The following NDST4 variants were observed in gnomAD, a reference collection of about 807,000 sequenced individuals.
NDST4 encodes the protein N-deacetylase and N-sulfotransferase 4, also known as N-heparan sulfate sulfotransferase 4.
In NDST4, 63 loss-of-function variants were observed where a neutral mutation model predicts 100.8. The ratio of observed to expected loss-of-function variants is 0.62; its 90% CI spans 0.51 to 0.77. NDST4 has a LOEUF of 0.77. Ranked by LOEUF, NDST4 falls within the 30% of genes least tolerant of loss-of-function variation. The pLI is 0.00. For missense variants in NDST4, 943 were observed against 1,018.4 expected (o/e 0.93, Z 1.01); for synonymous variants, 377 against 361.8 (o/e 1.04, Z -0.48).
At chr4:114,854,734 C>T (rs1578345234) in intron 7 of NDST4, among the ~76,000 whole-genome samples, 1 of 152,274 alleles carries the variant, frequency 6.6e-6, no homozygotes, top group Middle Eastern at 3.4e-3. Context: ...TCCCAAAGTG[C>T]TGGGATTACA....
At chr4:115,029,500 G>A (rs893142402) in intron 2 of NDST4, among the ~76,000 whole-genome samples, 3 of 152,092 alleles carry the variant, frequency 2.0e-5, no homozygotes, top group Non-Finnish European at 2.9e-5. Context: ...TGATGAGACT[G>A]GGCCAGGTTC....
At chr4:115,059,590 A>G (rs1728775160) in intron 2 of NDST4, among the ~76,000 whole-genome samples, 2 of 152,004 alleles carry the variant, frequency 1.3e-5, no homozygotes, top group Admixed American at 1.3e-4. Context: ...TATTATTTTT[A>G]CTTTAAAAAA....
At chr4:114,837,188 G>A (rs1261253094) in intron 11 of NDST4, among the ~76,000 whole-genome samples, 4 of 152,096 alleles carry the variant, frequency 2.6e-5, no homozygotes, top group Non-Finnish European at 5.9e-5. Context: ...ATTTGGAGGA[G>A]AAGAGGCATT....
At chr4:115,066,526 G>A (rs539515456) in intron 2 of NDST4, among the ~76,000 whole-genome samples, 2 of 152,086 alleles carry the variant, frequency 1.3e-5, no homozygotes, top group East Asian at 3.9e-4. Context: ...GGTCACTGCT[G>A]ACTGCCAAAA....
intron 4 of NDST4, among the ~76,000 whole-genome samples, chr4:114,969,191 G>A (rs1213212474): frequency 6.6e-6 from 1 of 150,878 alleles, no homozygotes; most frequent in Non-Finnish European, 1.5e-5. Context: ...GCGGGCGCCT[G>A]TAGTCCCAGC....
chr4:114,964,710 T>C (rs1364789981), intron 4 of NDST4, among the ~76,000 whole-genome samples: 2 of 152,230 alleles, frequency 1.3e-5, no homozygotes, highest in African/African-American at 2.4e-5. Context: ...CTAGAACTTA[T>C]TCGTCTTGAC....
intron 2 of NDST4, among the ~76,000 whole-genome samples, chr4:115,026,559 A>G (rs1376214620): frequency 6.6e-6 from 1 of 152,100 alleles, no homozygotes; most frequent in Non-Finnish European, 1.5e-5. Context: ...GAAAAAAGCA[A>G]TAATATTGAC....
chr4:114,933,432 C>CTTTTTTTTTTTTTTTTTTCCTTTTTTT (rs1553955185), intron 6 of NDST4, among the ~76,000 whole-genome samples: 3 of 89,246 alleles, frequency 3.4e-5, no homozygotes, highest in Admixed American at 1.3e-4. Flanking sequence ...TTTTCTTTTC[C>CTTTTTTTTTTTTTTTTTTCCTTTTTTT]TTTTTTTTTT....
chr4:115,105,652 A>G (rs1181990020), intron 1 of NDST4, among the ~76,000 whole-genome samples: 2 of 152,132 alleles, frequency 1.3e-5, no homozygotes, highest in Non-Finnish European at 2.9e-5. Flanking sequence ...TTTTCTACGC[A>G]AGGCAGAAAT....
chr4:114,996,358 C>T (rs1303944321), intron 2 of NDST4, among the ~76,000 whole-genome samples: 1 of 152,074 alleles, frequency 6.6e-6, no homozygotes, highest in Non-Finnish European at 1.5e-5. Flanking sequence ...TCATGCAGAA[C>T]TGTGAGTCAA....
intron 10 of NDST4, among the ~76,000 whole-genome samples, chr4:114,844,575 A>G (rs1252000970): frequency 6.6e-6 from 1 of 152,058 alleles, no homozygotes; most frequent in East Asian, 1.9e-4. Flanking sequence ...GTCTTAATTT[A>G]TTTTCTTACA....
chr4:115,100,896 C>T (rs1354514416), intron 1 of NDST4, among the ~76,000 whole-genome samples: 2 of 151,394 alleles, frequency 1.3e-5, no homozygotes, highest in African/African-American at 2.4e-5. Context: ...GCAAGATGCC[C>T]TTATCTTTAA....
At position 114,910,168 on chromosome 4, in the gene NDST4, T is replaced by C. The variant is rs1307658063; in HGVS notation, c.1536+25038A>G. ...ATTCTGTCTCAGGATGTTTTAAATATGTCAGAGCACATTCTCTCAAGATCC... is the reference window on the plus strand; with the variant it reads ...ATTCTGTCTCAGGATGTTTTAAATACGTCAGAGCACATTCTCTCAAGATCC... On this transcript the variant is annotated intron_variant, in intron 6 of 13. Transcript: ENST00000264363. Among the ~76,000 whole-genome samples, 6 of 152,140 alleles carry C rather than the reference T, an allele frequency of 3.9e-5. 1 individual carries two copies. The highest frequency in any genetic ancestry group is 3.9e-4 in the Admixed American group (6 of 15,272).
intron 6 of NDST4, among the ~76,000 whole-genome samples, chr4:114,876,268 T>A (rs1269786452): frequency 1.3e-5 from 2 of 152,200 alleles, no homozygotes; most frequent in African/African-American, 4.8e-5. Flanking sequence ...CTTTTCAGAA[T>A]AGTTCATTGT....
At chr4:115,061,403 GA>G (rs1352060964) in intron 2 of NDST4, among the ~76,000 whole-genome samples, 1 of 152,062 alleles carries the variant, frequency 6.6e-6, no homozygotes, top group Non-Finnish European at 1.5e-5. Context: ...GCTGGATAAA[GA>G]AAATGTGGCA....
chr4:115,111,130 C>T (rs776960323), intron 1 of NDST4, among the ~76,000 whole-genome samples: 48 of 151,902 alleles, frequency 3.2e-4, no homozygotes, highest in Non-Finnish European at 6.2e-4. Flanking sequence ...TTTCCAAAGG[C>T]CCCCTTTCAA....
At chr4:114,859,367 C>T (rs1578348078) in intron 7 of NDST4, among the ~76,000 whole-genome samples, 1 of 152,164 alleles carries the variant, frequency 6.6e-6, no homozygotes, top group Non-Finnish European at 1.5e-5. Context: ...CCAAAAGCAG[C>T]AATTGTGTTA....
At chr4:114,867,544 G>A (rs767375715) in intron 7 of NDST4, among the ~76,000 whole-genome samples, 3 of 150,278 alleles carry the variant, frequency 2.0e-5, no homozygotes, top group Non-Finnish European at 4.4e-5. Context: ...ACTGAGCTAA[G>A]CTGACAGTTT....
intron 2 of NDST4, among the ~76,000 whole-genome samples, chr4:115,025,573 T>C (rs2126267338): frequency 6.6e-6 from 1 of 152,270 alleles, no homozygotes; most frequent in East Asian, 1.9e-4. Context: ...ACTCTGCTAT[T>C]TGTTCTTCAT....
Sources: gnomAD v4.1 joint callset for allele counts (sites outside exome capture counted in the v4.1 genomes callset) on GRCh38, gnomAD v4.1.1 for gene constraint, MANE v1.5 for transcripts, NCBI Gene and HGNC (gene_info 2026-07-23, HGNC 2026-07-21) for gene names.